Variants in DLGAP2 observed in about 807,000 individuals in gnomAD.
DLGAP2 encodes disks large-associated protein 2.
In DLGAP2, 26 loss-of-function variants were observed where a neutral mutation model predicts 100.3. The observed-to-expected ratio is 0.26, with a 90% CI of 0.19 to 0.36. The LOEUF is 0.36. Among genes scored for constraint, DLGAP2 ranks in the 10% least tolerant of loss-of-function variants. The pLI is 1.00. For missense variants in DLGAP2, 1,858 were observed against 1,453.2 expected, an observed-to-expected ratio of 1.28 and a Z score of -4.53; for synonymous variants, 886 against 630.1, an observed-to-expected ratio of 1.41 and a Z score of -6.08.
intron 2 of DLGAP2, among the ~76,000 whole-genome samples, chr8:1,183,190 G>T (rs1797428559): frequency 6.6e-6 from 1 of 152,266 alleles, no homozygotes; most frequent in East Asian, 1.9e-4. Context: ...CTAGGATGGA[G>T]CCGAGAGGGC....
chr8:903,760 C>G (rs1167752458), intron 1 of DLGAP2, among the ~76,000 whole-genome samples: 1 of 152,204 alleles, frequency 6.6e-6, no homozygotes, highest in Non-Finnish European at 1.5e-5. Context: ...CCCAGCGCCT[C>G]CAGACATGAC....
intron 1 of DLGAP2, among the ~76,000 whole-genome samples, chr8:829,449 C>T (rs751390784): frequency 7.9e-5 from 12 of 152,194 alleles, no homozygotes; most frequent in African/African-American, 1.7e-4. Flanking sequence ...GAATACCCAT[C>T]GTGTTTATTT....
At chr8:1,169,623 T>C (rs1797087632) in intron 2 of DLGAP2, among the ~76,000 whole-genome samples, 1 of 152,178 alleles carries the variant, frequency 6.6e-6, no homozygotes, top group African/African-American at 2.4e-5. Flanking sequence ...CATTCCTAGG[T>C]ATTTTATTCT....
chr8:1,572,339 G>A (rs575406034), intron 6 of DLGAP2, among the ~76,000 whole-genome samples: 134 of 109,200 alleles, frequency 1.2e-3, no homozygotes, highest in Middle Eastern at 7.7e-3. Context: ...CTGTGGGGGC[G>A]TCTTCTGGGA....
intron 7 of DLGAP2, among the ~76,000 whole-genome samples, chr8:1,629,003 T>C (rs951166989): frequency 2.0e-5 from 3 of 152,242 alleles, no homozygotes; most frequent in Admixed American, 6.5e-5. Context: ...ATTATTACCA[T>C]GATAACAATA....
At chr8:971,923 G>A (rs188995825) in intron 2 of DLGAP2, among the ~76,000 whole-genome samples, 4 of 152,248 alleles carry the variant, frequency 2.6e-5, no homozygotes, top group East Asian at 1.9e-4. Flanking sequence ...TTATAGAACT[G>A]AGACCCAATC....
intron 2 of DLGAP2, among the ~76,000 whole-genome samples, chr8:1,040,854 G>A (rs898664213): frequency 2.6e-5 from 4 of 152,156 alleles, no homozygotes; most frequent in Admixed American, 6.5e-5. Flanking sequence ...CACTGACTCC[G>A]AGGTGAGCTC....
chr8:1,069,852 C>A (rs531498963), intron 2 of DLGAP2, among the ~76,000 whole-genome samples: 32 of 152,124 alleles, frequency 2.1e-4, no homozygotes, highest in Non-Finnish European at 4.0e-4. Context: ...GGCTGCCTCA[C>A]GTCTGCGGAA....
intron 2 of DLGAP2, among the ~76,000 whole-genome samples, chr8:1,164,450 G>T (rs149902476): frequency 6.7e-6 from 1 of 150,272 alleles, no homozygotes; most frequent in Admixed American, 6.6e-5. Flanking sequence ...AAGTCTGGAG[G>T]CGATGGCCTG....
chr8:788,806 A>C (rs1363355349), intron 1 of DLGAP2, among the ~76,000 whole-genome samples: 4 of 152,128 alleles, frequency 2.6e-5, no homozygotes, highest in African/African-American at 9.7e-5. Flanking sequence ...GTTCTGTTCT[A>C]CTTTATCGAA....
At position 994,107 on chromosome 8, in the gene DLGAP2, C is replaced by T. The variant is rs141507317; in HGVS notation, c.73+86141C>T. ...AGACTGGTGTTTTCGTATTAGAAAT[C>T]GCCACTGCACTACAATGTCATTAGT... On this transcript the variant is annotated intron_variant, in intron 2 of 14. Coordinates refer to ENST00000637795, the MANE Select transcript of DLGAP2 (RefSeq NM_001346810.2). Among the ~76,000 whole-genome samples, 657 of 152,238 alleles carry T rather than the reference C, an allele frequency of 4.3e-3. 3 individuals carry two copies. The highest frequency in any genetic ancestry group is 6.8e-3 in the Middle Eastern group (2 of 294).
At chr8:1,409,406 G>A (rs1796667209) in intron 3 of DLGAP2, among the ~76,000 whole-genome samples, 1 of 152,222 alleles carries the variant, frequency 6.6e-6, no homozygotes, top group Non-Finnish European at 1.5e-5. Context: ...CTGGTGCTGA[G>A]CACAGAATTG....
intron 2 of DLGAP2, among the ~76,000 whole-genome samples, chr8:1,097,620 C>T (rs887439179): frequency 4.3e-5 from 6 of 139,420 alleles, no homozygotes; most frequent in Non-Finnish European, 7.7e-5. Context: ...AGTGTGAGAC[C>T]CAGCTCCCTC....
At chr8:941,791 A>G (rs1799202549) in intron 2 of DLGAP2, among the ~76,000 whole-genome samples, 1 of 151,756 alleles carries the variant, frequency 6.6e-6, no homozygotes, top group Admixed American at 6.6e-5. Context: ...TGTAGGTCCT[A>G]TATTCTGATT....
At chr8:1,333,698 C>G (rs991308418) in intron 3 of DLGAP2, among the ~76,000 whole-genome samples, 1 of 152,220 alleles carries the variant, frequency 6.6e-6, no homozygotes, top group Non-Finnish European at 1.5e-5. Flanking sequence ...TCTGGACTTG[C>G]ATATGTGAGA....
intron 7 of DLGAP2, among the ~76,000 whole-genome samples, chr8:1,629,744 C>T (rs556644392): frequency 6.6e-6 from 1 of 152,356 alleles, no homozygotes; most frequent in African/African-American, 2.4e-5. Flanking sequence ...GCAAAGTTAT[C>T]TCATCCGAGG....
At chr8:1,347,569 A>G (rs1378446925) in intron 3 of DLGAP2, among the ~76,000 whole-genome samples, 2 of 151,826 alleles carry the variant, frequency 1.3e-5, no homozygotes, top group African/African-American at 4.8e-5. Flanking sequence ...ACAGAGCTAC[A>G]TTGCTGTCTT....
At chr8:1,391,179 G>T (rs1424822238) in intron 3 of DLGAP2, among the ~76,000 whole-genome samples, 2 of 152,228 alleles carry the variant, frequency 1.3e-5, no homozygotes, top group African/African-American at 4.8e-5. Context: ...GAATTGGAAA[G>T]ATTAACTCAG....
chr8:893,983 C>G (rs1798089305), intron 1 of DLGAP2, among the ~76,000 whole-genome samples: 2 of 152,350 alleles, frequency 1.3e-5, no homozygotes, highest in Middle Eastern at 3.4e-3. Flanking sequence ...CGGCCCGAGG[C>G]TTCGAGGTCA....
Sources: allele counts gnomAD v4.1 joint callset (sites outside exome capture counted in the v4.1 genomes callset), GRCh38; gene constraint gnomAD v4.1.1; transcripts MANE v1.5; gene names NCBI Gene and HGNC (gene_info 2026-07-23, HGNC 2026-07-21).